The following ST6GALNAC3 variants were observed in gnomAD, a reference collection of about 807,000 sequenced individuals.
ST6GALNAC3 encodes the protein alpha-N-acetylgalactosaminide alpha-2,6-sialyltransferase 3.
A neutral mutation model predicts 32.7 loss-of-function variants in ST6GALNAC3; 25 were observed. The observed-to-expected ratio is 0.76, with a 90% confidence interval of 0.56 to 1.07. ST6GALNAC3 has a LOEUF of 1.07. ST6GALNAC3 is among the 50% of genes least tolerant of loss of function. The pLI is 0.00. For synonymous variants in ST6GALNAC3, 129 were observed against 133.1 expected, an observed-to-expected ratio of 0.97 and a Z score of 0.21; for missense variants, 355 against 382.4, an observed-to-expected ratio of 0.93 and a Z score of 0.60.
intron 4 of ST6GALNAC3, 32 bp downstream of exon 4, chr1:76,627,591 T>C (rs774809569): frequency 2.1e-6 from 3 of 1,448,208 alleles, no homozygotes; most frequent in Non-Finnish European, 2.9e-6. Context: ...TTTATGCAGC[T>C]CCAATTCGGA....
intron 1 of ST6GALNAC3, among the ~76,000 whole-genome samples, chr1:76,164,958 C>G (rs774553027): frequency 1.3e-5 from 2 of 152,062 alleles, no homozygotes; most frequent in Admixed American, 6.6e-5. Context: ...TAAGATTTAA[C>G]TTTTAAGTTC....
Position 76,171,088 on chromosome 1 carries a change from GGT to G in ST6GALNAC3, c.18+96236_18+96237del, listed in dbSNP as rs71071988. 2.5e-3 allele frequency among the ~76,000 whole-genome samples: 379 copies of G among 149,582 alleles called. 3 individuals are homozygous for G. Among genetic ancestry groups the G allele is most frequent in the African/African-American group, 8.7e-3 (351 of 40,430 alleles). ...AACTGAACAGTTATTCATTGAGAGG[GGT>G]GTGTGTGTGTGTGTGTGTGTGTGTG... On this transcript the variant is annotated intron_variant, in intron 1 of 4. Transcript: ENST00000328299.
intron 1 of ST6GALNAC3, among the ~76,000 whole-genome samples, chr1:76,209,561 C>A (rs763494030): frequency 6.6e-6 from 1 of 152,114 alleles, no homozygotes; most frequent in Non-Finnish European, 1.5e-5. Flanking sequence ...GGTGTCTTTA[C>A]AGGAGAAGGT....
intron 2 of ST6GALNAC3, among the ~76,000 whole-genome samples, chr1:76,411,304 T>C (rs1338918407): frequency 1.3e-5 from 2 of 152,072 alleles, no homozygotes; most frequent in African/African-American, 4.8e-5. Flanking sequence ...CGTGGTTAAA[T>C]AAAAAGGGAG....
chr1:76,188,724 A>G (rs1043900363), intron 1 of ST6GALNAC3, among the ~76,000 whole-genome samples: 1 of 152,250 alleles, frequency 6.6e-6, no homozygotes, highest in African/African-American at 2.4e-5. Context: ...TATTAAGAAA[A>G]CCATAAAGAA....
At chr1:76,511,473 C>T (rs1369162321) in intron 3 of ST6GALNAC3, among the ~76,000 whole-genome samples, 2 of 152,196 alleles carry the variant, frequency 1.3e-5, no homozygotes, top group Non-Finnish European at 2.9e-5. Flanking sequence ...AGCCTGTGTG[C>T]GGTGCCCCTC....
chr1:76,120,629 C>T (rs1648811329), intron 1 of ST6GALNAC3, among the ~76,000 whole-genome samples: 1 of 152,186 alleles, frequency 6.6e-6, no homozygotes, highest in African/African-American at 2.4e-5. Context: ...CTCTGAGCTC[C>T]AGGGTCAGTT....
At chr1:76,118,367 G>A (rs987636286) in intron 1 of ST6GALNAC3, among the ~76,000 whole-genome samples, 1 of 152,176 alleles carries the variant, frequency 6.6e-6, no homozygotes, top group African/African-American at 2.4e-5. Context: ...CCTTAAAAAT[G>A]TACCTATCCA....
At chr1:76,141,463 T>G (rs1198125911) in intron 1 of ST6GALNAC3, among the ~76,000 whole-genome samples, 1 of 152,076 alleles carries the variant, frequency 6.6e-6, no homozygotes, top group East Asian at 1.9e-4. Flanking sequence ...TAAGTGTGCT[T>G]AAGTCATTTG....
At chr1:76,598,847 T>C (rs570508379) in intron 3 of ST6GALNAC3, among the ~76,000 whole-genome samples, 6 of 152,332 alleles carry the variant, frequency 3.9e-5, no homozygotes. Context: ...ATGTCTACCA[T>C]ATGCTTCTTC....
At chr1:76,357,684 A>G (rs1325306479) in intron 2 of ST6GALNAC3, among the ~76,000 whole-genome samples, 1 of 152,144 alleles carries the variant, frequency 6.6e-6, no homozygotes, top group Non-Finnish European at 1.5e-5. Flanking sequence ...TGTTAGACTA[A>G]AGCTCTTTGA....
At chr1:76,582,797 A>G (rs1194769816) in intron 3 of ST6GALNAC3, among the ~76,000 whole-genome samples, 1 of 152,106 alleles carries the variant, frequency 6.6e-6, no homozygotes, top group African/African-American at 2.4e-5. Context: ...AGTAGTTTTC[A>G]AGTGAATTGT....
intron 3 of ST6GALNAC3, among the ~76,000 whole-genome samples, chr1:76,591,706 A>G (rs184308875): frequency 4.6e-5 from 7 of 152,234 alleles, no homozygotes; most frequent in African/African-American, 1.4e-4. Context: ...ATGTGAGGTA[A>G]TAAATTCTTG....
At chr1:76,153,653 G>A (rs1295954815) in intron 1 of ST6GALNAC3, among the ~76,000 whole-genome samples, 1 of 152,056 alleles carries the variant, frequency 6.6e-6, no homozygotes, top group African/African-American at 2.4e-5. Context: ...TTTTGCTGTT[G>A]GTATAACTTG....
chr1:76,477,715 T>G (rs1012723121), intron 3 of ST6GALNAC3, among the ~76,000 whole-genome samples: 1 of 152,170 alleles, frequency 6.6e-6, no homozygotes, highest in African/African-American at 2.4e-5. Context: ...GGGCAAGGGT[T>G]GTACCAAGGG....
chr1:76,488,981 C>T (rs1660317424), intron 3 of ST6GALNAC3, among the ~76,000 whole-genome samples: 2 of 152,178 alleles, frequency 1.3e-5, no homozygotes. Context: ...AGAATTTCAG[C>T]ATTTCTGGAA....
At chr1:76,236,105 T>G (rs1394189172) in intron 1 of ST6GALNAC3, among the ~76,000 whole-genome samples, 6 of 151,924 alleles carry the variant, frequency 3.9e-5, no homozygotes, top group African/African-American at 1.5e-4. Flanking sequence ...CCACCATGCC[T>G]GGCTAATTTT....
intron 3 of ST6GALNAC3, among the ~76,000 whole-genome samples, chr1:76,588,965 C>G (rs955830442): frequency 6.6e-6 from 1 of 152,182 alleles, no homozygotes; most frequent in South Asian, 2.1e-4. Flanking sequence ...TCTATGTAAC[C>G]AATTCCAAGT....
intron 1 of ST6GALNAC3, among the ~76,000 whole-genome samples, chr1:76,273,464 G>T (rs1321646866): frequency 6.6e-6 from 1 of 152,120 alleles, no homozygotes; most frequent in Non-Finnish European, 1.5e-5. Flanking sequence ...ATCAAATAGA[G>T]CTGAGAGGAA....
Sources: allele counts gnomAD v4.1 joint callset (sites outside exome capture counted in the v4.1 genomes callset), GRCh38; gene constraint gnomAD v4.1.1; transcripts MANE v1.5; gene names NCBI Gene and HGNC (gene_info 2026-07-23, HGNC 2026-07-21).